SLC35D1: variants seen among roughly 807,000 people sequenced by gnomAD.
The protein encoded by SLC35D1 is nucleotide sugar transporter SLC35D1.
In SLC35D1, 31 loss-of-function variants were observed where a neutral mutation model predicts 46.7. The ratio of observed to expected loss-of-function variants is 0.66; its 90% CI spans 0.50 to 0.90. SLC35D1 has a LOEUF of 0.90. Among genes scored for constraint, SLC35D1 ranks in the 40% least tolerant of loss-of-function variants. SLC35D1 has a pLI of 0.00. For missense variants in SLC35D1, 397 were observed against 426.2 expected (o/e 0.93, Z 0.60); for synonymous variants, 195 against 164.6 (o/e 1.18, Z -1.41).
intron 8 of SLC35D1, among the ~76,000 whole-genome samples, chr1:67,036,259 TC>T (rs1301336278): frequency 6.6e-6 from 1 of 152,174 alleles, no homozygotes; most frequent in Non-Finnish European, 1.5e-5. Context: ...GAAAGATCTG[TC>T]CAATGCTGAA....
the SLC35D1 span, among the ~76,000 whole-genome samples, chr1:66,993,839 G>A: frequency 6.6e-6 from 1 of 152,146 alleles, no homozygotes; most frequent in East Asian, 1.9e-4. Context: ...GGTATAGCAG[G>A]CACTCTGTTT....
intron 11 of SLC35D1, chr1:67,008,465 A>G: frequency 7.8e-7 from 1 of 1,288,248 alleles, no homozygotes; most frequent in South Asian, 1.2e-5. Flanking sequence ...ACACCAGAAA[A>G]AAAAGACAAA....
intron 7 of SLC35D1, among the ~76,000 whole-genome samples, chr1:67,046,086 A>G (rs1473955007): frequency 6.6e-6 from 1 of 152,220 alleles, no homozygotes; most frequent in Non-Finnish European, 1.5e-5. Context: ...CAAGACATGC[A>G]TATTTAAAGA....
chr1:66,973,006 T>C, the SLC35D1 span: 2 of 1,487,458 alleles, frequency 1.3e-6, no homozygotes, highest in African/African-American at 1.4e-5. Context: ...GTAATGATAA[T>C]CTCTTTTTTG....
At chr1:66,989,033 T>C in the SLC35D1 span, among the ~76,000 whole-genome samples, 1 of 152,212 alleles carries the variant, frequency 6.6e-6, no homozygotes, top group South Asian at 2.1e-4. Context: ...TTTGTCAAAC[T>C]TCGTATTTGC....
the SLC35D1 span, among the ~76,000 whole-genome samples, chr1:66,992,009 A>C: frequency 6.6e-6 from 1 of 152,196 alleles, no homozygotes; most frequent in Non-Finnish European, 1.5e-5. Context: ...TTTTGTCCCT[A>C]GAGAGTGCTG....
At chr1:66,976,447 C>G in the SLC35D1 span, 2 of 542,550 alleles carry the variant, frequency 3.7e-6, no homozygotes, top group Non-Finnish European at 6.0e-6. Context: ...GAATAGCTTT[C>G]AACATAGCTG....
At chr1:67,012,211 A>G (rs894613544) in intron 10 of SLC35D1, among the ~76,000 whole-genome samples, 1 of 152,174 alleles carries the variant, frequency 6.6e-6, no homozygotes, top group Non-Finnish European at 1.5e-5. Context: ...TTAGTACTAA[A>G]AAAGTCCAGT....
chr1:67,035,748 G>C (rs920530212), intron 8 of SLC35D1, among the ~76,000 whole-genome samples: 3 of 148,880 alleles, frequency 2.0e-5, no homozygotes, highest in African/African-American at 7.4e-5. Context: ...GAACCCAAAA[G>C]AACTTGCTTT....
In SLC35D1 at chr1:67,001,299, C is replaced by T. The variant is rs182323091; in HGVS notation, c.*3041G>A. 12 of 152,064 alleles carry T rather than the reference C, an allele frequency of 7.9e-5. No homozygotes were observed. The highest frequency in any genetic ancestry group is 2.6e-4 in the Admixed American group (4 of 15,244). The allele number at this position is 152,064 out of a possible 1,614,324, so 9.4% of individuals were successfully genotyped here. On this transcript the variant is annotated 3_prime_UTR_variant, in exon 12 of 12. Coordinates refer to ENST00000235345, the MANE Select transcript of SLC35D1 (RefSeq NM_015139.3). ...CTTGATAAAACAGGACTACCAAAAG[C>T]GTGTAAATGCACTTTTTAAAAAAAA...
chr1:66,997,519 A>AAATATATATATATAT (rs1553262615), downstream of SLC35D1, among the ~76,000 whole-genome samples: 1 of 74,030 alleles, frequency 1.4e-5, no homozygotes, highest in East Asian at 4.1e-4. Flanking sequence ...AAAAAAAAAA[A>AAATATATATATATAT]ATATATATAT....
At chr1:66,976,601 A>G in the SLC35D1 span, 1 of 1,587,172 alleles carries the variant, frequency 6.3e-7, no homozygotes, top group Non-Finnish European at 8.6e-7. Flanking sequence ...ACAGGTCCGA[A>G]CAAGGTCAGT....
chr1:67,017,142 C>T (rs1275852105), intron 10 of SLC35D1, among the ~76,000 whole-genome samples: 1 of 151,972 alleles, frequency 6.6e-6, no homozygotes, highest in East Asian at 1.9e-4. Flanking sequence ...TAAGAAGAGC[C>T]TATATGGCCA....
intron 7 of SLC35D1, among the ~76,000 whole-genome samples, chr1:67,045,689 C>T (rs1447779359): frequency 6.6e-6 from 1 of 152,082 alleles, no homozygotes; most frequent in Non-Finnish European, 1.5e-5. Context: ...ATAGATTGTA[C>T]TAATATGGTA....
the SLC35D1 span, among the ~76,000 whole-genome samples, chr1:66,980,039 C>A: frequency 3.9e-5 from 6 of 152,238 alleles, no homozygotes; most frequent in Admixed American, 2.0e-4. Flanking sequence ...GCTGGGATGA[C>A]AGGCGTGAGC....
the SLC35D1 span, chr1:66,985,414 A>G: frequency 1.0e-6 from 1 of 983,368 alleles, no homozygotes; most frequent in Non-Finnish European, 1.2e-6. Context: ...ACCCTTACGA[A>G]TCCTGAAAAT....
chr1:66,979,889 C>T, the SLC35D1 span, among the ~76,000 whole-genome samples: 4 of 152,094 alleles, frequency 2.6e-5, no homozygotes, highest in Non-Finnish European at 4.4e-5. Flanking sequence ...CGCCGCCTCC[C>T]GAGTAGCTGG....
chr1:66,976,503 CT>C, the SLC35D1 span: 1 of 1,271,370 alleles, frequency 7.9e-7, no homozygotes, highest in Non-Finnish European at 1.1e-6. Context: ...CAGTTAAGGA[CT>C]AGCCAAATTT....
At chr1:66,992,084 G>A in the SLC35D1 span, among the ~76,000 whole-genome samples, 232 of 152,214 alleles carry the variant, frequency 1.5e-3, no homozygotes, top group African/African-American at 5.4e-3. Context: ...TGTGACTAGC[G>A]GTATTTCAAA....
Sources: allele counts gnomAD v4.1 joint callset (sites outside exome capture counted in the v4.1 genomes callset), GRCh38; gene constraint gnomAD v4.1.1; transcripts MANE v1.5; gene names NCBI Gene and HGNC (gene_info 2026-07-23, HGNC 2026-07-21).